The following MBD2 variants were observed in gnomAD, a reference collection of about 807,000 sequenced individuals.
The protein encoded by MBD2 is methyl-CpG binding domain protein 2.
Under a neutral mutation model 39.3 loss-of-function variants are expected in MBD2, and 9 were observed. That is an observed-to-expected ratio of 0.23 (90% CI 0.14 to 0.40). The LOEUF is 0.40. MBD2 is among the 10% of genes least tolerant of loss of function. The pLI, the probability that MBD2 is intolerant of heterozygous loss-of-function variation, is 1.00. For synonymous variants in MBD2, 233 were observed against 211.1 expected (o/e 1.10, Z -0.90); for missense variants, 458 against 532.6 (o/e 0.86, Z 1.38).
At chr18:54,158,096 T>G (rs2086067023) in intron 6 of MBD2, among the ~76,000 whole-genome samples, 1 of 152,192 alleles carries the variant, frequency 6.6e-6, no homozygotes, top group Non-Finnish European at 1.5e-5. Context: ...GACTCTTCAG[T>G]GATTCCTGCT....
chr18:54,157,597 G>A (rs1049425576), intron 6 of MBD2, among the ~76,000 whole-genome samples: 17 of 152,212 alleles, frequency 1.1e-4, no homozygotes, highest in African/African-American at 2.7e-4. Context: ...CTGTGACCCA[G>A]AAGTGAGTGC....
chr18:54,195,936 A>G (rs2086362647), intron 2 of MBD2, among the ~76,000 whole-genome samples: 1 of 152,212 alleles, frequency 6.6e-6, no homozygotes, highest in South Asian at 2.1e-4. Flanking sequence ...AATCAAGGCT[A>G]TTCTCAAAAA....
At chr18:54,200,822 G>T (rs572078504) in intron 2 of MBD2, among the ~76,000 whole-genome samples, 6 of 152,264 alleles carry the variant, frequency 3.9e-5, no homozygotes, top group African/African-American at 1.2e-4. Context: ...GCTCACGTCT[G>T]TAATCCCAGC....
intron 2 of MBD2, among the ~76,000 whole-genome samples, chr18:54,201,415 G>A (rs2086406568): frequency 6.6e-6 from 1 of 152,138 alleles, no homozygotes; most frequent in African/African-American, 2.4e-5. Context: ...ATGTAATCAA[G>A]AATGGAATCG....
At chr18:54,209,229 G>A (rs781678545) in intron 1 of MBD2, among the ~76,000 whole-genome samples, 15 of 149,840 alleles carry the variant, frequency 1.0e-4, no homozygotes, top group South Asian at 2.1e-4. Flanking sequence ...CCTGGGAGGC[G>A]GAGGTTGCAG....
At chr18:54,159,656 T>C (rs2086080459) in intron 6 of MBD2, 109 bp downstream of exon 6, 6 of 1,225,710 alleles carry the variant, frequency 4.9e-6, no homozygotes, top group African/African-American at 4.5e-5. Flanking sequence ...TGAGCTCAAC[T>C]GATCGCCCGC....
intron 5 of MBD2, among the ~76,000 whole-genome samples, chr18:54,162,488 G>A (rs919720224): frequency 2.6e-5 from 4 of 152,150 alleles, no homozygotes. Context: ...TAAATCAAAT[G>A]AGCAATTTGT....
At chr18:54,213,084 G>GT (rs2086522932) in intron 1 of MBD2, among the ~76,000 whole-genome samples, 1 of 120,226 alleles carries the variant, frequency 8.3e-6, no homozygotes, top group Non-Finnish European at 1.8e-5. Context: ...GATTATGGGG[G>GT]CGGGGGGGGG....
At chr18:54,164,740 A>C in intron 4 of MBD2, 40 bp from the exon 5 acceptor site, 19 of 1,548,428 alleles carry the variant, frequency 1.2e-5, no homozygotes, top group Non-Finnish European at 1.6e-5. Flanking sequence ...GAAATGTCTC[A>C]ATGTGCTGAG....
intron 3 of MBD2, among the ~76,000 whole-genome samples, chr18:54,175,928 A>T (rs2086210024): frequency 6.6e-6 from 1 of 152,266 alleles, no homozygotes; most frequent in African/African-American, 2.4e-5. Context: ...TTAATTGTCA[A>T]AGATTTAGAC....
intron 3 of MBD2, among the ~76,000 whole-genome samples, chr18:54,170,118 T>C (rs2086169625): frequency 6.6e-6 from 1 of 152,312 alleles, no homozygotes; most frequent in Non-Finnish European, 1.5e-5. Flanking sequence ...ATCTTAGTAG[T>C]CACTGCAGTT....
intron 2 of MBD2, chr18:54,203,088 A>G: frequency 3.1e-6 from 5 of 1,590,740 alleles, no homozygotes; most frequent in Non-Finnish European, 4.3e-6. Flanking sequence ...CAGGACGATG[A>G]GTGTTCCAGC....
intron 2 of MBD2, among the ~76,000 whole-genome samples, chr18:54,195,750 T>C (rs1403531833): frequency 1.3e-5 from 2 of 152,090 alleles, no homozygotes; most frequent in Non-Finnish European, 2.9e-5. Context: ...TAAAACAAGT[T>C]TAGAGTTTAT....
At chr18:54,214,616 T>A (rs2086540087) in intron 1 of MBD2, among the ~76,000 whole-genome samples, 1 of 152,210 alleles carries the variant, frequency 6.6e-6, no homozygotes, top group Non-Finnish European at 1.5e-5. Context: ...AGCATGCGCT[T>A]CTATTTCTGT....
rs376392635 is a variant in MBD2 at position 54,204,055 on chromosome 18, T to C, written c.702+943A>G. On this transcript the variant is annotated intron_variant, in intron 2 of 6. Coordinates refer to ENST00000256429, the MANE Select transcript of MBD2 (RefSeq NM_003927.5). Reference sequence around the variant, plus strand: ...GTTCACCAAGCCATGCCTTCCTGGGTCCAAAGCCCTTCTTATTCCACTACA... The same window carrying C: ...GTTCACCAAGCCATGCCTTCCTGGGCCCAAAGCCCTTCTTATTCCACTACA... Among the ~76,000 whole-genome samples the C allele has an allele frequency of 4.0e-4, 61 of 152,300 alleles. No homozygotes were observed. In the East Asian group the frequency reaches 0.011, roughly 27 times the overall value.
intron 2 of MBD2, among the ~76,000 whole-genome samples, chr18:54,204,351 T>G (rs1217338698): frequency 1.3e-5 from 2 of 152,234 alleles, no homozygotes; most frequent in Non-Finnish European, 2.9e-5. Flanking sequence ...ATTAAATTAG[T>G]ACAGGCTTAA....
chr18:54,174,674 T>G (rs548196138), intron 3 of MBD2, among the ~76,000 whole-genome samples: 2 of 152,256 alleles, frequency 1.3e-5, no homozygotes, highest in Non-Finnish European at 2.9e-5. Flanking sequence ...TACTTTAGGT[T>G]AAATGGTATT....
chr18:54,200,641 AAAC>A (rs1273720055), intron 2 of MBD2, among the ~76,000 whole-genome samples: 4 of 152,182 alleles, frequency 2.6e-5, no homozygotes, highest in African/African-American at 9.7e-5. Flanking sequence ...ATAAATCCCT[AAAC>A]AATATTTAGC....
chr18:54,220,364 C>G (rs548039640), intron 1 of MBD2, among the ~76,000 whole-genome samples: 1 of 152,142 alleles, frequency 6.6e-6, no homozygotes, highest in East Asian at 1.9e-4. Flanking sequence ...ATCAGTAATC[C>G]TGACAGAAGG....
Sources: gnomAD v4.1 joint callset for allele counts (sites outside exome capture counted in the v4.1 genomes callset) on GRCh38, gnomAD v4.1.1 for gene constraint, MANE v1.5 for transcripts, NCBI Gene and HGNC (gene_info 2026-07-23, HGNC 2026-07-21) for gene names.